The following TMEM163 variants were observed in gnomAD, a reference collection of about 807,000 sequenced individuals.
TMEM163 encodes transmembrane protein 163.
In TMEM163, 17 loss-of-function variants were observed where a neutral mutation model predicts 29.3. That is an observed-to-expected ratio of 0.58 (90% CI 0.40 to 0.87). TMEM163 has a LOEUF of 0.87. TMEM163 is among the 40% of genes least tolerant of loss of function. The probability of loss-of-function intolerance (pLI) is 0.00; values close to 1 mark genes in which losing one functional copy is unlikely to be tolerated. For missense variants in TMEM163, 303 were observed against 381.5 expected, an observed-to-expected ratio of 0.79 and a Z score of 1.71; for synonymous variants, 157 against 160.6, an observed-to-expected ratio of 0.98 and a Z score of 0.17.
At chr2:134,606,659 C>A (rs532611800) in intron 2 of TMEM163, among the ~76,000 whole-genome samples, 3 of 152,220 alleles carry the variant, frequency 2.0e-5, no homozygotes, top group East Asian at 3.9e-4. Context: ...GATGAACTGG[C>A]AGAGCACAGG....
At chr2:134,641,319 C>T (rs572950708) in intron 2 of TMEM163, among the ~76,000 whole-genome samples, 1 of 152,262 alleles carries the variant, frequency 6.6e-6, no homozygotes, top group Admixed American at 6.5e-5. Context: ...TCCCACCTCA[C>T]ACCATATACA....
In TMEM163 at chr2:134,505,829, G is replaced by A. The variant is rs77463236; in HGVS notation, c.459-2832C>T. ...TGAGTGTGAAGGATGCAAGGGCTTC[G>A]TAGGTAATTTATTGCTTACTTATCT... On this transcript the variant is annotated intron_variant, in intron 4 of 7. Transcript: ENST00000281924. 1.2e-4 allele frequency among the ~76,000 whole-genome samples: 18 copies of A among 152,278 alleles called. No individual in the cohort carries two copies. The East Asian group carries it at 2.7e-3, about 23-fold the overall frequency.
chr2:134,715,357 A>T (rs911517981), intron 1 of TMEM163, among the ~76,000 whole-genome samples: 1 of 152,200 alleles, frequency 6.6e-6, no homozygotes, highest in African/African-American at 2.4e-5. Flanking sequence ...GGACAGCTGG[A>T]CTGTCCCGCT....
At chr2:134,647,971 T>G (rs1302202883) in intron 2 of TMEM163, among the ~76,000 whole-genome samples, 2 of 152,220 alleles carry the variant, frequency 1.3e-5, no homozygotes, top group African/African-American at 2.4e-5. Flanking sequence ...CTTTCAGTGC[T>G]GTCCACAGAT....
rs1273211267 is a variant in TMEM163 at position 134,713,230 on chromosome 2, CAAT to C, written c.289_291del (p.Ile97del). 1.2e-6 allele frequency: 2 copies of C among 1,614,050 alleles called. No homozygotes were observed. The highest frequency in any genetic ancestry group is 1.7e-6 in the Non-Finnish European group (2 of 1,180,038). On this transcript the variant is annotated inframe_deletion, in exon 2 of 8. Transcript: ENST00000281924. Reference sequence around the variant, plus strand: ...GCAGCCACCGCGAGGGCCAGGGTGACAATGATGGAGAACCAGGACACCCACAAT... The same window carrying C: ...GCAGCCACCGCGAGGGCCAGGGTGACGATGGAGAACCAGGACACCCACAAT...
intron 5 of TMEM163, among the ~76,000 whole-genome samples, chr2:134,484,344 A>G (rs1679267155): frequency 6.6e-6 from 1 of 152,148 alleles, no homozygotes; most frequent in Non-Finnish European, 1.5e-5. Flanking sequence ...TTTTAAACAA[A>G]GGATTATTAG....
intron 2 of TMEM163, among the ~76,000 whole-genome samples, chr2:134,680,920 T>A (rs1018034849): frequency 2.6e-5 from 4 of 152,222 alleles, no homozygotes; most frequent in African/African-American, 4.8e-5. Flanking sequence ...GAGCTTAGTT[T>A]GCCTGGCACA....
chr2:134,635,780 C>G (rs1683090483), intron 2 of TMEM163, among the ~76,000 whole-genome samples: 1 of 152,086 alleles, frequency 6.6e-6, no homozygotes. Flanking sequence ...GGGATCTCAG[C>G]CAGCCTTGAA....
chr2:134,671,751 G>A (rs1346583771), intron 2 of TMEM163, among the ~76,000 whole-genome samples: 1 of 152,222 alleles, frequency 6.6e-6, no homozygotes. Flanking sequence ...CCACCCCTGA[G>A]GGGCTTGACA....
At chr2:134,545,568 C>T (rs1341735197) in intron 4 of TMEM163, among the ~76,000 whole-genome samples, 1 of 152,104 alleles carries the variant, frequency 6.6e-6, no homozygotes, top group Non-Finnish European at 1.5e-5. Context: ...CTCCTGGCCC[C>T]TTCCCTGCAC....
chr2:134,502,760 T>C, intron 5 of TMEM163, 141 bp downstream of exon 5: 3 of 653,384 alleles, frequency 4.6e-6, no homozygotes, highest in East Asian at 5.9e-5. Flanking sequence ...TTTGCATCCC[T>C]GCAACAAGTT....
At chr2:134,670,132 T>G (rs1683958450) in intron 2 of TMEM163, among the ~76,000 whole-genome samples, 1 of 152,186 alleles carries the variant, frequency 6.6e-6, no homozygotes, top group Non-Finnish European at 1.5e-5. Context: ...ATGGGAACTT[T>G]AGTAGACGTG....
chr2:134,552,299 TCA>T (rs1680947547), intron 2 of TMEM163, among the ~76,000 whole-genome samples: 1 of 152,202 alleles, frequency 6.6e-6, no homozygotes, highest in African/African-American at 2.4e-5. Flanking sequence ...CAACTTCCCC[TCA>T]CAGTGTTCTG....
At chr2:134,502,714 T>C (rs1012954524) in intron 5 of TMEM163, among the ~76,000 whole-genome samples, 187 bp downstream of exon 5, 1 of 152,136 alleles carries the variant, frequency 6.6e-6, no homozygotes, top group Non-Finnish European at 1.5e-5. Context: ...ATCTGGAGTC[T>C]CTTCACCTTG....
At chr2:134,628,018 G>A (rs1364742482) in intron 2 of TMEM163, among the ~76,000 whole-genome samples, 2 of 152,050 alleles carry the variant, frequency 1.3e-5, no homozygotes, top group Non-Finnish European at 2.9e-5. Context: ...AAATGATAAC[G>A]GGTTTATTAT....
chr2:134,656,582 T>C (rs1683623149), intron 2 of TMEM163, among the ~76,000 whole-genome samples: 2 of 152,124 alleles, frequency 1.3e-5, no homozygotes, highest in Admixed American at 1.3e-4. Flanking sequence ...CCCCGCCTTC[T>C]ATTTCTTTCT....
intron 2 of TMEM163, among the ~76,000 whole-genome samples, chr2:134,604,640 TG>T (rs1682312152): frequency 6.6e-6 from 1 of 152,082 alleles, no homozygotes; most frequent in Non-Finnish European, 1.5e-5. Context: ...TCATTGAAAA[TG>T]TAATTAAATG....
chr2:134,712,956 G>A (rs147172015), intron 2 of TMEM163, among the ~76,000 whole-genome samples: 13 of 151,880 alleles, frequency 8.6e-5, no homozygotes, highest in East Asian at 1.9e-4. Flanking sequence ...ATCTACTTCC[G>A]CAAGCCCGCA....
chr2:134,502,129 C>A (rs1377921629), intron 5 of TMEM163, among the ~76,000 whole-genome samples: 1 of 152,148 alleles, frequency 6.6e-6, no homozygotes, highest in Non-Finnish European at 1.5e-5. Flanking sequence ...AAGGTCTAAT[C>A]ATTTTGGTCT....
Sources: gnomAD v4.1 joint callset for allele counts (sites outside exome capture counted in the v4.1 genomes callset) on GRCh38, gnomAD v4.1.1 for gene constraint, MANE v1.5 for transcripts, NCBI Gene and HGNC (gene_info 2026-07-23, HGNC 2026-07-21) for gene names.